The following UBR1 variants were observed in gnomAD, a reference collection of about 807,000 sequenced individuals.
UBR1 encodes the protein ubiquitin protein ligase E3 component n-recognin 1.
UBR1 carries 102 observed loss-of-function variants against 242.1 expected under a neutral mutation model. That is an observed-to-expected ratio of 0.42 (90% confidence interval 0.36 to 0.50). The LOEUF is 0.50. Ranked by LOEUF, UBR1 falls within the 20% of genes least tolerant of loss-of-function variation. The pLI, the probability that UBR1 is intolerant of heterozygous loss-of-function variation, is 0.01. For synonymous variants in UBR1, 675 were observed against 684.8 expected (o/e 0.99, Z 0.22); for missense variants, 1,772 against 2,101.8 (o/e 0.84, Z 3.07).
intron 46 of UBR1, among the ~76,000 whole-genome samples, 186 bp downstream of exon 46, chr15:42,950,076 T>C (rs1271658752): frequency 1.3e-5 from 2 of 152,016 alleles, no homozygotes; most frequent in Non-Finnish European, 2.9e-5. Context: ...TGGCCGCAAA[T>C]GATCTGCCTG....
At chr15:42,957,330 G>C (rs557292277) in intron 44 of UBR1, among the ~76,000 whole-genome samples, 1 of 152,136 alleles carries the variant, frequency 6.6e-6, no homozygotes, top group African/African-American at 2.4e-5. Context: ...CAAATCCATA[G>C]AGACAGAAAG....
chr15:43,075,138 C>T (rs1445361056), intron 3 of UBR1, 49 bp from the exon 4 acceptor site: 1 of 1,331,082 alleles, frequency 7.5e-7, no homozygotes, highest in Non-Finnish European at 1.1e-6. Flanking sequence ...TTTTACTAAG[C>T]ATGAAGAATG....
intron 37 of UBR1, among the ~76,000 whole-genome samples, chr15:42,981,276 A>T (rs1256219431): frequency 2.6e-5 from 4 of 152,142 alleles, no homozygotes; most frequent in African/African-American, 9.7e-5. Flanking sequence ...CTAACTATAG[A>T]TGCCACTACT....
chr15:43,085,966 TA>T lies in UBR1; in HGVS notation c.338+17del. On this transcript the variant is annotated intron_variant, in intron 2 of 46. Coordinates refer to ENST00000290650, the MANE Select transcript of UBR1 (RefSeq NM_174916.3). ...ATTTTAATAATTATAATCAATCCTG[TA>T]AATTTCTAATTCTTACCTGCAAGAA... is the stretch of plus-strand genomic sequence containing the variant. 1 of 1,609,860 alleles carries T rather than the reference TA, an allele frequency of 6.2e-7. No homozygotes were observed. The highest frequency in any genetic ancestry group is 8.5e-7 in the Non-Finnish European group (1 of 1,177,242).
At chr15:42,969,369 T>G (rs1203363180) in intron 40 of UBR1, among the ~76,000 whole-genome samples, 1 of 152,228 alleles carries the variant, frequency 6.6e-6, no homozygotes, top group Admixed American at 6.5e-5. Flanking sequence ...AGTTGTTTGC[T>G]TTTTTCTTGT....
rs865873106 is a variant in UBR1 at position 42,950,270 on chromosome 15, AG to A, written c.5099del (p.Pro1700LeufsTer3). On this transcript the variant is annotated frameshift_variant, in exon 46 of 47. Coordinates refer to ENST00000290650, the MANE Select transcript of UBR1 (RefSeq NM_174916.3). LOFTEE classifies it high-confidence loss of function. The stretch of plus-strand genomic sequence containing the variant: ...TATAAAAAAAATCTTACTTCAGGCC[AG>A]GGTCTGTTTCTCCATATTCATCCAA... ...PYLDEYGETD[P>X]GLKRGNPLHL... is the part of the protein sequence containing the mutation. The A allele has an allele frequency of 3.1e-6, 5 of 1,614,064 alleles. No individual in the cohort carries two copies. In the African/African-American group the frequency reaches 6.7e-5, roughly 22 times the overall value.
rs747975687 is a variant in UBR1 at position 43,106,029 on chromosome 15, G to C, written c.-7C>G. 6.2e-7 allele frequency: 1 copy of C among 1,609,132 alleles called. No individual in the cohort carries two copies. The highest frequency in any genetic ancestry group is 8.5e-7 in the Non-Finnish European group (1 of 1,177,804). ...CAGCCTCCTCGTCCGCCATCTTGAG[G>C]GAAACTGACGCCTGCAGTTGCCGAC... On this transcript the variant is annotated 5_prime_UTR_variant, in exon 1 of 47. Transcript: ENST00000290650.
chr15:43,080,109 C>T (rs1200148176), intron 3 of UBR1, among the ~76,000 whole-genome samples: 2 of 152,144 alleles, frequency 1.3e-5, no homozygotes, highest in Non-Finnish European at 2.9e-5. Flanking sequence ...GCCACATAGC[C>T]TCTGTCAAAT....
intron 26 of UBR1, 72 bp downstream of exon 26, chr15:43,022,630 T>A: frequency 9.1e-7 from 1 of 1,099,824 alleles, no homozygotes; most frequent in East Asian, 2.5e-5. Flanking sequence ...ACTTTCAGGA[T>A]TGACAAATTA....
intron 39 of UBR1, among the ~76,000 whole-genome samples, chr15:42,972,731 A>C (rs1429271608): frequency 6.6e-6 from 1 of 152,238 alleles, no homozygotes; most frequent in Non-Finnish European, 1.5e-5. Context: ...ACTGTAATTT[A>C]TTTATCCACC....
At chr15:43,030,908 A>T (rs2033248010) in intron 20 of UBR1, among the ~76,000 whole-genome samples, 1 of 152,216 alleles carries the variant, frequency 6.6e-6, no homozygotes, top group Non-Finnish European at 1.5e-5. Context: ...TTTCCAACAC[A>T]TTCATTCCTC....
intron 33 of UBR1, among the ~76,000 whole-genome samples, chr15:42,996,985 C>T (rs1044427651): frequency 6.6e-6 from 1 of 152,150 alleles, no homozygotes; most frequent in African/African-American, 2.4e-5. Flanking sequence ...GGTCCTCAAC[C>T]CCAGGGCCAT....
Position 43,068,310 on chromosome 15 carries a change from T to A in UBR1, c.660-274A>T, listed in dbSNP as rs563155754. Reference sequence around the variant, plus strand: ...CTCAAGCAATCCTCCCACCTCAGCCTCCTAAGTATCTGAGACTGCAGGCAC... The same window carrying A: ...CTCAAGCAATCCTCCCACCTCAGCCACCTAAGTATCTGAGACTGCAGGCAC... On this transcript the variant is annotated intron_variant, in intron 5 of 46. Transcript: ENST00000290650. Among the ~76,000 whole-genome samples the A allele has an allele frequency of 1.9e-4, 28 of 147,546 alleles. 1 individual carries two copies. In the South Asian group the frequency reaches 5.9e-3, roughly 31 times the overall value.
Position 43,017,085 on chromosome 15 carries a change from AGT to A in UBR1, c.3027+8_3027+9del, listed in dbSNP as rs765981373. 1 of 1,600,552 alleles carries A rather than the reference AGT, an allele frequency of 6.2e-7. No homozygotes were observed. The highest frequency in any genetic ancestry group is 1.1e-5 in the South Asian group (1 of 90,748). ...GTCACCATTACTACAGTGTTATTAC[AGT>A]GTCATACCTCATCATTCTTAATAGA... On this transcript the variant is annotated splice_region_variant and intron_variant, in intron 28 of 46. Coordinates refer to ENST00000290650, the MANE Select transcript of UBR1 (RefSeq NM_174916.3).
Position 43,043,445 on chromosome 15 carries a change from CT to C in UBR1, c.1669-51del, listed in dbSNP as rs770377695. ...AGTTGACAAGTTTTCTACTTTAACA[CT>C]TTTTTTGTTTTGTTTTGAGACAGCC... On this transcript the variant is annotated intron_variant, in intron 14 of 46. Coordinates refer to ENST00000290650, the MANE Select transcript of UBR1 (RefSeq NM_174916.3). 24 of 1,589,038 alleles carry C rather than the reference CT, an allele frequency of 1.5e-5. No individual in the cohort carries two copies. The African/African-American group carries it at 3.0e-4, about 20-fold the overall frequency.
chr15:42,989,993 T>C, intron 34 of UBR1, 37 bp downstream of exon 34: 1 of 1,461,890 alleles, frequency 6.8e-7, no homozygotes. Flanking sequence ...ATTTTCACAA[T>C]CATTTACAAA....
At chr15:43,090,997 T>C (rs1403022281) in intron 1 of UBR1, among the ~76,000 whole-genome samples, 1 of 152,204 alleles carries the variant, frequency 6.6e-6, no homozygotes. Flanking sequence ...TGGAGTGCAA[T>C]GGCACGATCT....
chr15:43,018,102 A>G (rs2033054856), intron 27 of UBR1, among the ~76,000 whole-genome samples: 1 of 150,634 alleles, frequency 6.6e-6, no homozygotes. Context: ...TCTTGGGTAC[A>G]TGCCATTCTC....
chr15:43,012,268 C>T (rs2032935063), intron 29 of UBR1, among the ~76,000 whole-genome samples: 2 of 151,242 alleles, frequency 1.3e-5, no homozygotes, highest in Admixed American at 1.3e-4. Flanking sequence ...GTGACATGTA[C>T]TGATATCAAA....
Sources: gnomAD v4.1 joint callset for allele counts (sites outside exome capture counted in the v4.1 genomes callset) on GRCh38, gnomAD v4.1.1 for gene constraint, MANE v1.5 for transcripts, NCBI Gene and HGNC (gene_info 2026-07-23, HGNC 2026-07-21) for gene names.